Variants in VPS13B observed in about 807,000 individuals in gnomAD.
The protein encoded by VPS13B is vacuolar protein sorting 13 homolog B.
VPS13B carries 285 observed loss-of-function variants against 426.4 expected under a neutral mutation model. The observed-to-expected ratio is 0.67, with a 90% CI of 0.61 to 0.74. VPS13B has a LOEUF of 0.74. VPS13B is among the 30% of genes least tolerant of loss of function. VPS13B has a pLI of 0.00. For missense variants in VPS13B, 4,537 were observed against 4,782.6 expected (o/e 0.95, Z 1.51); for synonymous variants, 1,676 against 1,676.4 (o/e 1.00, Z 0.01).
At chr8:99,697,338 A>T (rs1017879653) in intron 35 of VPS13B, 2 of 577,674 alleles carry the variant, frequency 3.5e-6, no homozygotes, top group African/African-American at 3.8e-5. Context: ...CACCCCTCGA[A>T]GGCCAGGGGC....
chr8:99,766,722 TA>T, intron 39 of VPS13B, 51 bp from the exon 40 acceptor site: 1 of 1,460,272 alleles, frequency 6.8e-7, no homozygotes, highest in Non-Finnish European at 9.4e-7. Flanking sequence ...TCAACAAATA[TA>T]AAAGCATAGT....
chr8:99,702,936 GT>G (rs760095482), intron 36 of VPS13B, among the ~76,000 whole-genome samples: 3 of 152,010 alleles, frequency 2.0e-5, no homozygotes, highest in Non-Finnish European at 4.4e-5. Flanking sequence ...TTGAGAATGT[GT>G]TTTAGATATG....
chr8:99,871,625 T>C lies in VPS13B; in HGVS notation c.11673T>C (p.Cys3891=), dbSNP rs2130975878. 1.9e-6 allele frequency: 3 copies of C among 1,614,192 alleles called. No homozygotes were observed. The highest frequency in any genetic ancestry group is 2.2e-5 in the East Asian group (1 of 44,870). Residue 3891 remains cysteine, a synonymous_variant, in exon 61 of 62, where the codon TGT becomes TGC. Transcript: ENST00000357162. ...CCTTCCCCGTCACAGAAATCGACTG[T>C]GCACAGGACAGCAAGCAGAACAACT... is the stretch of plus-strand genomic sequence containing the variant. ...QQAFPVTEID[C]AQDSKQNNLL... is the part of the protein sequence containing the mutation.
chr8:99,322,505 G>A (rs1365531704), intron 19 of VPS13B, among the ~76,000 whole-genome samples: 1 of 152,160 alleles, frequency 6.6e-6, no homozygotes. Flanking sequence ...GAGAATAAGG[G>A]AGGAAAATAA....
In VPS13B at chr8:99,171,789, T is replaced by TA. The variant is rs548892825; in HGVS notation, c.2333+1635dup. ...TTTCTTGAAATTTTCTTAATAAATG[T>TA]AAAAAAAAACTTTAGTAACTGTAAC... On this transcript the variant is annotated intron_variant, in intron 16 of 61. Transcript: ENST00000357162. Among the ~76,000 whole-genome samples the TA allele has an allele frequency of 2.3e-4, 35 of 151,548 alleles. 1 individual carries two copies. In the South Asian group the frequency reaches 6.1e-3, roughly 26 times the overall value.
chr8:99,732,357 A>G (rs1833641746), intron 39 of VPS13B, among the ~76,000 whole-genome samples: 1 of 152,132 alleles, frequency 6.6e-6, no homozygotes, highest in South Asian at 2.1e-4. Flanking sequence ...AGCTTCAAGC[A>G]TCTTGTTCCT....
intron 3 of VPS13B, among the ~76,000 whole-genome samples, chr8:99,052,864 G>A (rs1339660299): frequency 1.3e-5 from 2 of 152,100 alleles, no homozygotes; most frequent in African/African-American, 4.8e-5. Flanking sequence ...ATTTCTGTGG[G>A]ATTGGTGGTG....
Position 99,082,163 on chromosome 8 carries a change from A to G in VPS13B, c.292-14149A>G, listed in dbSNP as rs150139720. On this transcript the variant is annotated intron_variant, in intron 3 of 61. Coordinates refer to ENST00000357162, the MANE Select transcript of VPS13B (RefSeq NM_152564.5). The stretch of plus-strand genomic sequence containing the variant: ...TTTAATGAGTGCCATTCTAACTGGT[A>G]TGAGATGGTATCTCATTGTGGTTTT... Among the ~76,000 whole-genome samples the G allele has an allele frequency of 3.9e-3, 599 of 152,260 alleles. 25 individuals carry two copies. The East Asian group carries it at 0.085, about 22-fold the overall frequency.
chr8:99,848,799 CTA>C lies in VPS13B; in HGVS notation c.9968_9969del (p.Tyr3323CysfsTer40). ...TQVVFLTGFG[Y>X]VYVDVVHQCG... ...AGGTTGTGTTCCTGACTGGCTTTGG[CTA>C]TGTGTATGTGGATGTTGTACATCAG... On this transcript the variant is annotated frameshift_variant, in exon 55 of 62. Transcript: ENST00000357162. LOFTEE classifies it high-confidence loss of function. 1 of 1,614,052 alleles carries C rather than the reference CTA, an allele frequency of 6.2e-7. No homozygotes were observed. The highest frequency in any genetic ancestry group is 1.3e-5 in the African/African-American group (1 of 75,018).
chr8:99,146,713 T>C (rs1327586558), intron 13 of VPS13B, among the ~76,000 whole-genome samples: 1 of 152,014 alleles, frequency 6.6e-6, no homozygotes, highest in East Asian at 1.9e-4. Flanking sequence ...GCCAGGACCA[T>C]AGGTGTGCAC....
At chr8:99,116,416 A>G (rs544217507) in intron 7 of VPS13B, among the ~76,000 whole-genome samples, 2 of 152,206 alleles carry the variant, frequency 1.3e-5, no homozygotes, top group South Asian at 4.1e-4. Flanking sequence ...TTTATAATAG[A>G]TATAAGTGTT....
chr8:99,504,734 G>C (rs933172531), intron 27 of VPS13B, among the ~76,000 whole-genome samples: 11 of 152,208 alleles, frequency 7.2e-5, no homozygotes, highest in Non-Finnish European at 1.5e-4. Flanking sequence ...AAGGGCCCTA[G>C]GATTTTCAGA....
intron 40 of VPS13B, among the ~76,000 whole-genome samples, 165 bp downstream of exon 40, chr8:99,767,135 A>G (rs1032901967): frequency 5.9e-5 from 9 of 152,280 alleles, no homozygotes; most frequent in Non-Finnish European, 1.3e-4. Flanking sequence ...CTGATGTTTC[A>G]AAGTCTGCAT....
intron 43 of VPS13B, among the ~76,000 whole-genome samples, chr8:99,806,064 C>G (rs1278390923): frequency 6.6e-6 from 1 of 152,194 alleles, no homozygotes; most frequent in Admixed American, 6.5e-5. Flanking sequence ...GCCCCTCATG[C>G]AACTCCTGCA....
chr8:99,816,584 T>C (rs1055446777), intron 44 of VPS13B, among the ~76,000 whole-genome samples: 1 of 152,034 alleles, frequency 6.6e-6, no homozygotes, highest in African/African-American at 2.4e-5. Context: ...GGTGTGAAGA[T>C]TACTTGAGCT....
intron 2 of VPS13B, among the ~76,000 whole-genome samples, chr8:99,034,966 G>A (rs1842679320): frequency 6.6e-6 from 1 of 152,140 alleles, no homozygotes; most frequent in Non-Finnish European, 1.5e-5. Context: ...AGGCTGAGAT[G>A]GGAGGCTAGC....
intron 44 of VPS13B, among the ~76,000 whole-genome samples, chr8:99,813,681 G>C (rs1196403835): frequency 6.6e-6 from 1 of 152,198 alleles, no homozygotes; most frequent in Non-Finnish European, 1.5e-5. Flanking sequence ...GTTCAGCACA[G>C]CTTGGTTTTA....
At chr8:99,556,688 A>G in intron 31 of VPS13B, 35 bp downstream of exon 31, 2 of 1,600,670 alleles carry the variant, frequency 1.2e-6, no homozygotes, top group Non-Finnish European at 1.7e-6. Context: ...TACTCTTTCT[A>G]ATACTTCATT....
intron 19 of VPS13B, among the ~76,000 whole-genome samples, chr8:99,304,770 A>G (rs2133081327): frequency 6.6e-6 from 1 of 152,166 alleles, no homozygotes; most frequent in Admixed American, 6.5e-5. Context: ...CTCATTTTCC[A>G]TCTTTTATAT....
Sources: gnomAD v4.1 joint callset for allele counts (sites outside exome capture counted in the v4.1 genomes callset) on GRCh38, gnomAD v4.1.1 for gene constraint, MANE v1.5 for transcripts, NCBI Gene and HGNC (gene_info 2026-07-23, HGNC 2026-07-21) for gene names.